Variants in NR4A1 observed in about 807,000 individuals in gnomAD.
The protein encoded by NR4A1 is nuclear receptor subfamily 4 group A member 1, also known as nuclear receptor subfamily 4immunitygroup A member 1.
A neutral mutation model predicts 47.5 loss-of-function variants in NR4A1; 24 were observed. The observed-to-expected ratio is 0.50, with a 90% CI of 0.37 to 0.71. The LOEUF (loss-of-function observed/expected upper bound fraction) is 0.71, where lower values mean the gene tolerates loss of function less well. NR4A1 is among the 30% of genes least tolerant of loss of function. The pLI is 0.00. For synonymous variants in NR4A1, 353 were observed against 345.7 expected (o/e 1.02, Z -0.24); for missense variants, 669 against 788.6 (o/e 0.85, Z 1.82).
chr12:52,052,268 C>CGT (rs60552358), intron 1 of NR4A1, among the ~76,000 whole-genome samples: 1,473 of 129,970 alleles, frequency 0.011, 16 homozygotes, highest in South Asian at 0.036. Flanking sequence ...GCTTGGATCA[C>CGT]GTGTGTGTGT....
intron 1 of NR4A1, among the ~76,000 whole-genome samples, chr12:52,031,829 G>T (rs1157189620): frequency 1.4e-5 from 2 of 146,670 alleles, no homozygotes; most frequent in Non-Finnish European, 3.0e-5. Flanking sequence ...GCCCAGGCTG[G>T]AGCGCAGTGA....
intron 1 of NR4A1, among the ~76,000 whole-genome samples, chr12:52,034,290 T>G (rs1026277209): frequency 6.6e-6 from 1 of 152,228 alleles, no homozygotes; most frequent in African/African-American, 2.4e-5. Context: ...TCAAGGCTTC[T>G]TGGAGGCCAC....
At chr12:52,051,204 C>T (rs1938912192), upstream of NR4A1, among the ~76,000 whole-genome samples, 1 of 152,198 alleles carries the variant, frequency 6.6e-6, no homozygotes, top group South Asian at 2.1e-4. Context: ...AATCCGCGCT[C>T]CCTGCGTCAA....
At chr12:52,036,563 G>A (rs1304863525) in intron 1 of NR4A1, among the ~76,000 whole-genome samples, 2 of 152,206 alleles carry the variant, frequency 1.3e-5, no homozygotes, top group Admixed American at 1.3e-4. Flanking sequence ...AGTGGTATGG[G>A]AGCAGCCAGA....
exon 1 of NR4A1, chr12:52,022,902 T>G (rs1937914909): frequency 6.6e-6 from 1 of 152,284 alleles, no homozygotes; most frequent in South Asian, 2.1e-4. Flanking sequence ...AGGGCAGGGA[T>G]CCTAGCTGAC....
chr12:52,043,704 G>A (rs934997744), intron 2 of NR4A1: 120 of 1,257,082 alleles, frequency 9.5e-5, no homozygotes, highest in Non-Finnish European at 1.2e-4. Context: ...AGGAGGACAC[G>A]CCGGCTTGGA....
Position 52,058,703 on chromosome 12 carries a change from A to G in NR4A1, c.1556A>G (p.Gln519Arg). The change falls in exon 7 of 7, where the codon CAG becomes CGG. Residue 519 changes from glutamine to arginine, a missense_variant. Transcript: ENST00000394825. The part of the protein sequence containing the change: ...LVLITDRHGL[Q>R]EPRRVEELQN... Reference sequence around the variant, plus strand: ...CTTCCCGCAGACCGGCATGGGCTGCAGGAGCCGCGGCGGGTGGAGGAGCTG... The same window carrying G: ...CTTCCCGCAGACCGGCATGGGCTGCGGGAGCCGCGGCGGGTGGAGGAGCTG... 1 of 1,606,846 alleles carries G rather than the reference A, an allele frequency of 6.2e-7. No homozygotes were observed. Among genetic ancestry groups the G allele is most frequent in the South Asian group, 1.1e-5 (1 of 90,572 alleles).
intron 1 of NR4A1, among the ~76,000 whole-genome samples, chr12:52,035,463 G>T (rs929063916): frequency 6.6e-6 from 1 of 151,938 alleles, no homozygotes; most frequent in African/African-American, 2.4e-5. Flanking sequence ...TATTTCAAAA[G>T]TTAGACTTCT....
intron 1 of NR4A1, among the ~76,000 whole-genome samples, chr12:52,035,537 C>T (rs995460163): frequency 6.6e-6 from 1 of 152,118 alleles, no homozygotes; most frequent in Admixed American, 6.5e-5. Context: ...GTGAAAGAAG[C>T]TGCTGGGGTA....
At chr12:52,051,613 CATGAAGGAG>C in intron 1 of NR4A1, 45 bp downstream of exon 1, 1 of 982,628 alleles carries the variant, frequency 1.0e-6, no homozygotes, top group African/African-American at 1.7e-5. Context: ...AGGAGCGGTG[CATGAAGGAG>C]ATGGGTGTAC....
chr12:52,043,894 A>T (rs1938531552), intron 2 of NR4A1: 2 of 1,289,088 alleles, frequency 1.6e-6, no homozygotes, highest in South Asian at 2.5e-5. Flanking sequence ...GTCAAAGCAG[A>T]TCGTGAGGAG....
At chr12:52,058,652 C>A in intron 6 of NR4A1, 36 bp from the exon 7 acceptor site, 1 of 1,511,438 alleles carries the variant, frequency 6.6e-7, no homozygotes, top group South Asian at 1.3e-5. Context: ...GGGCCTGGTT[C>A]TCAGATGTAC....
At chr12:52,050,827 T>C (rs1938885238), upstream of NR4A1, among the ~76,000 whole-genome samples, 1 of 152,250 alleles carries the variant, frequency 6.6e-6, no homozygotes, top group African/African-American at 2.4e-5. Flanking sequence ...CTCCCCAGGG[T>C]GTGTCCGAAT....
At chr12:52,039,502 C>T (rs1365985245) in intron 1 of NR4A1, among the ~76,000 whole-genome samples, 2 of 152,206 alleles carry the variant, frequency 1.3e-5, no homozygotes, top group Non-Finnish European at 2.9e-5. Flanking sequence ...TAAGGAAGAA[C>T]CTCTGCTCTG....
At chr12:52,055,979 C>G (rs775454279) in intron 2 of NR4A1, 51 bp from the exon 3 acceptor site, 2 of 728,766 alleles carry the variant, frequency 2.7e-6, no homozygotes, top group Non-Finnish European at 4.0e-6. Context: ...TAAGTTCCCC[C>G]CTCCCCACCC....
Position 52,057,443 on chromosome 12 carries a change from A to C in NR4A1, c.1453A>C (p.Ser485Arg), listed in dbSNP as rs755714147. The C allele has an allele frequency of 6.2e-7, 1 of 1,614,118 alleles. No homozygotes were observed. The highest frequency in any genetic ancestry group is 8.5e-7 in the Non-Finnish European group (1 of 1,180,050). Reference protein sequence around the residue: ...CARGFGDWIDSILAFSRSLHS... With the variant: ...CARGFGDWIDRILAFSRSLHS... ...CCGTGGCTTCGGGGACTGGATTGAC[A>C]GTATCCTGGCCTTCTCAAGGTCCCT... The change falls in exon 6 of 7, where the codon AGT (serine) becomes CGT (arginine). Residue 485 changes from serine to arginine, a missense_variant. Ser to Arg is a moderately radical substitution (Grantham distance 110). Coordinates refer to ENST00000394825, the MANE Select transcript of NR4A1 (RefSeq NM_173157.3).
At chr12:52,033,161 C>T (rs978547130) in intron 1 of NR4A1, among the ~76,000 whole-genome samples, 2 of 152,200 alleles carry the variant, frequency 1.3e-5, no homozygotes, top group Non-Finnish European at 2.9e-5. Context: ...GACGTAGCGG[C>T]TTCCCCGGCC....
In NR4A1 at chr12:52,035,818, T is replaced by G. The variant is rs182021146; in HGVS notation, c.-83-5992T>G. ...GCAAAGGATTTCTGGGGGTGGGCAG[T>G]GGGGTGGAGAGAGGAATGCAGCCCC... On this transcript the variant is annotated intron_variant, in intron 1 of 7. Transcript: ENST00000360284. Among the ~76,000 whole-genome samples, 1,066 of 151,882 alleles carry G rather than the reference T, an allele frequency of 7.0e-3. 5 individuals are homozygous for G. The highest frequency in any genetic ancestry group is 0.012 in the Non-Finnish European group (828 of 67,952).
At chr12:52,028,229 A>G (rs917988499) in intron 1 of NR4A1, among the ~76,000 whole-genome samples, 2 of 131,014 alleles carry the variant, frequency 1.5e-5, no homozygotes, top group African/African-American at 2.8e-5. Flanking sequence ...AAAAAAAAAA[A>G]GAAGAGAGAA....
Sources: allele counts gnomAD v4.1 joint callset (sites outside exome capture counted in the v4.1 genomes callset), GRCh38; gene constraint gnomAD v4.1.1; transcripts MANE v1.5; gene names NCBI Gene and HGNC (gene_info 2026-07-23, HGNC 2026-07-21).